MRM1: variants seen among roughly 807,000 people sequenced by gnomAD.
MRM1 encodes rRNA methyltransferase 1, mitochondrial.
MRM1 carries 24 observed loss-of-function variants against 25.0 expected under a neutral mutation model. The observed-to-expected ratio is 0.96, with a 90% CI of 0.69 to 1.35. MRM1 has a LOEUF of 1.35. MRM1 is among the 40% of genes most tolerant of loss of function. MRM1 has a pLI of 0.00. For synonymous variants in MRM1, 188 were observed against 199.2 expected, an observed-to-expected ratio of 0.94 and a Z score of 0.47; for missense variants, 431 against 464.1, an observed-to-expected ratio of 0.93 and a Z score of 0.65.
the MRM1 span, among the ~76,000 whole-genome samples, chr17:36,632,605 C>G: frequency 5.3e-5 from 8 of 152,126 alleles, no homozygotes; most frequent in Middle Eastern, 3.2e-3. Context: ...TGTGCTCCCC[C>G]CCACTGCCAT....
At chr17:36,618,700 C>T in the MRM1 span, among the ~76,000 whole-genome samples, 1 of 152,306 alleles carries the variant, frequency 6.6e-6, no homozygotes, top group South Asian at 2.1e-4. Context: ...CCTGCGCAGC[C>T]TCCGTACAAG....
At chr17:36,605,909 C>T (rs538835416) in intron 2 of MRM1, among the ~76,000 whole-genome samples, 1 of 152,264 alleles carries the variant, frequency 6.6e-6, no homozygotes, top group East Asian at 1.9e-4. Context: ...GCTCTCAGCA[C>T]AGCAGGCAGA....
intron 2 of MRM1, among the ~76,000 whole-genome samples, chr17:36,604,436 C>A (rs1295056915): frequency 2.0e-5 from 3 of 152,208 alleles, no homozygotes; most frequent in Non-Finnish European, 4.4e-5. Context: ...TTTAGTGGTT[C>A]TTCCTCAACC....
chr17:36,601,852 C>A lies in MRM1; in HGVS notation c.42C>A (p.Arg14=). 1 of 1,594,836 alleles carries A rather than the reference C, an allele frequency of 6.3e-7. No individual in the cohort carries two copies. Among genetic ancestry groups the A allele is most frequent in the Non-Finnish European group, 8.5e-7 (1 of 1,172,388 alleles). ...LSTVRGATWG[R]LVTRHFSHAA... The stretch of plus-strand genomic sequence containing the variant: ...CCGTCCGGGGCGCGACCTGGGGTCG[C>A]CTCGTCACCCGTCATTTCTCCCATG... The change falls in exon 1 of 5, where the codon CGC becomes CGA. Residue 14 remains arginine, a synonymous_variant. Transcript: ENST00000614766.
At chr17:36,603,763 C>G (rs1257584710) in intron 2 of MRM1, among the ~76,000 whole-genome samples, 1 of 152,154 alleles carries the variant, frequency 6.6e-6, no homozygotes, top group Admixed American at 6.5e-5. Context: ...TACAACACAC[C>G]TCGATTTGAA....
chr17:36,628,304 C>T, the MRM1 span, among the ~76,000 whole-genome samples: 3 of 152,180 alleles, frequency 2.0e-5, no homozygotes, highest in Admixed American at 1.3e-4. Flanking sequence ...TATGTTTTGG[C>T]AGGGCTAGAA....
chr17:36,618,512 T>G, the MRM1 span, among the ~76,000 whole-genome samples: 1 of 152,016 alleles, frequency 6.6e-6, no homozygotes, highest in South Asian at 2.1e-4. Flanking sequence ...CAGTGGAAAC[T>G]CTAAGTGCAA....
chr17:36,607,792 C>A lies in MRM1; in HGVS notation c.759C>A (p.Leu253=). 6.2e-7 allele frequency: 1 copy of A among 1,614,094 alleles called. No individual in the cohort carries two copies. Among genetic ancestry groups the A allele is most frequent in the Non-Finnish European group, 8.5e-7 (1 of 1,180,000 alleles). ...AGTTCCTCTGGGAACGGCCTACTCT[C>A]CTTGTGCTGGGTAGGTGGATGTCCC... ...CLEFLWERPT[L]LVLGNEGSGL... The change falls in exon 3 of 5, where the codon CTC becomes CTA. Residue 253 remains leucine (L), a synonymous_variant. Coordinates refer to ENST00000614766, the MANE Select transcript of MRM1 (RefSeq NM_024864.5).
chr17:36,620,020 C>G, the MRM1 span, among the ~76,000 whole-genome samples: 2 of 152,110 alleles, frequency 1.3e-5, no homozygotes, highest in Non-Finnish European at 2.9e-5. Context: ...CATTCGTGCT[C>G]TTTGTTCATT....
the MRM1 span, among the ~76,000 whole-genome samples, chr17:36,633,352 C>T: frequency 3.9e-5 from 6 of 152,190 alleles, no homozygotes; most frequent in South Asian, 4.1e-4. Flanking sequence ...CTCAGCTTGG[C>T]GTCTGGGGCC....
chr17:36,629,924 T>C, the MRM1 span, among the ~76,000 whole-genome samples: 1 of 152,190 alleles, frequency 6.6e-6, no homozygotes, highest in African/African-American at 2.4e-5. Context: ...TTGTTTACAA[T>C]GCCTGCAGCT....
chr17:36,605,343 CTT>C (rs71159625), intron 2 of MRM1, among the ~76,000 whole-genome samples: 2 of 144,784 alleles, frequency 1.4e-5, no homozygotes, highest in Admixed American at 6.9e-5. Context: ...TTTTCTTTTT[CTT>C]TTTTTTTTTG....
downstream of MRM1, among the ~76,000 whole-genome samples, chr17:36,612,919 C>G (rs559127182): frequency 1.3e-5 from 2 of 152,252 alleles, no homozygotes; most frequent in Non-Finnish European, 2.9e-5. Flanking sequence ...CCAACCTGGC[C>G]TCCGTTTTCC....
At chr17:36,606,352 C>A (rs1185903723) in intron 2 of MRM1, among the ~76,000 whole-genome samples, 1 of 151,950 alleles carries the variant, frequency 6.6e-6, no homozygotes, top group South Asian at 2.1e-4. Flanking sequence ...TTGACTGGAT[C>A]AGCAGATAAA....
rs1314562699 is a variant in MRM1 at position 36,607,690 on chromosome 17, G to A, written c.657G>A (p.Trp219Ter). The A allele has an allele frequency of 9.9e-6, 16 of 1,613,900 alleles. No individual in the cohort carries two copies. Among genetic ancestry groups the A allele is most frequent in the Non-Finnish European group, 1.3e-5 (15 of 1,179,962 alleles). The part of the protein sequence containing the change: ...GFLQTKAQQG[W>*]LVAGTVGCPS... ...TTCAGACCAAAGCCCAGCAGGGCTG[G>A]CTCGTGGCCGGCACGGTGGGCTGCC... The change falls in exon 3 of 5, where the codon TGG (tryptophan) becomes TGA (stop). Residue 219 changes from tryptophan (W) to a stop codon, truncating the protein, a stop_gained. Transcript: ENST00000614766. LOFTEE classifies it high-confidence loss of function.
At position 36,602,766 on chromosome 17, in the gene MRM1, T is replaced by C. The variant is rs1219693038; in HGVS notation, c.636+120T>C. ...ATGTTGGCACCGCTTCCTTTGGCCT[T>C]CTAAATCCCTCTGGGGATGGAAGGG... On this transcript the variant is annotated intron_variant, in intron 2 of 4. Transcript: ENST00000614766. This position sits in a 1 kb window ranked among gnomAD's most constrained non-coding sequence, Gnocchi z 4.1. 9.1e-6 allele frequency: 12 copies of C among 1,316,098 alleles called. No individual in the cohort carries two copies. Among genetic ancestry groups the C allele is most frequent in the Non-Finnish European group, 1.3e-5 (12 of 943,102 alleles). 81.5% of individuals were successfully genotyped at this position (1,316,098 alleles called of 1,614,324 possible).
the MRM1 span, among the ~76,000 whole-genome samples, chr17:36,619,306 G>T: frequency 6.6e-6 from 1 of 152,204 alleles, no homozygotes; most frequent in Non-Finnish European, 1.5e-5. Flanking sequence ...GGGCACCTGG[G>T]TTGCTTCTGC....
chr17:36,609,236 G>A (rs999680125), downstream of MRM1, among the ~76,000 whole-genome samples: 1 of 152,214 alleles, frequency 6.6e-6, no homozygotes, highest in African/African-American at 2.4e-5. Flanking sequence ...CAGGAAAGCA[G>A]CAGGAGCCAG....
the MRM1 span, among the ~76,000 whole-genome samples, chr17:36,632,437 A>G: frequency 6.6e-6 from 1 of 152,166 alleles, no homozygotes; most frequent in African/African-American, 2.4e-5. Context: ...CTGGGTTCAA[A>G]TCCTCACTAG....
Sources: gnomAD v4.1 joint callset for allele counts (sites outside exome capture counted in the v4.1 genomes callset) on GRCh38, gnomAD v4.1.1 for gene constraint, Gnocchi (gnomAD v3.1) non-coding constraint, MANE v1.5 for transcripts, NCBI Gene and HGNC (gene_info 2026-07-23, HGNC 2026-07-21) for gene names.